The following BABAM2 variants were observed in gnomAD, a reference collection of about 807,000 sequenced individuals.
BABAM2 encodes the protein BRISC and BRCA1-A complex member 2.
BABAM2 carries 31 observed loss-of-function variants against 54.7 expected under a neutral mutation model. The ratio of observed to expected loss-of-function variants is 0.57; its 90% CI spans 0.43 to 0.77. The LOEUF is 0.77. Ranked by LOEUF, BABAM2 falls within the 30% of genes least tolerant of loss-of-function variation. BABAM2 has a pLI of 0.00. For missense variants in BABAM2, 364 were observed against 455.8 expected (o/e 0.80, Z 1.83); for synonymous variants, 167 against 162.9 (o/e 1.03, Z -0.19).
chr2:28,071,813 A>G (rs1265329782), intron 6 of BABAM2, among the ~76,000 whole-genome samples: 1 of 152,186 alleles, frequency 6.6e-6, no homozygotes, highest in Admixed American at 6.5e-5. Context: ...ATGACTTTAA[A>G]TATATTTGGG....
At chr2:28,101,911 A>AG in intron 6 of BABAM2, among the ~76,000 whole-genome samples, 1 of 152,328 alleles carries the variant, frequency 6.6e-6, no homozygotes, top group Admixed American at 6.5e-5. Context: ...TCCCCAGGGC[A>AG]GGGTTCAGGA....
intron 4 of BABAM2, among the ~76,000 whole-genome samples, chr2:27,994,550 T>C (rs1027947882): frequency 1.4e-4 from 21 of 152,234 alleles, no homozygotes; most frequent in African/African-American, 5.1e-4. Context: ...TCTTTGATCT[T>C]CGTACAAATG....
intron 6 of BABAM2, among the ~76,000 whole-genome samples, chr2:28,052,277 T>C (rs1242217043): frequency 6.6e-6 from 1 of 151,124 alleles, no homozygotes; most frequent in South Asian, 2.1e-4. Context: ...TAGAGAAGGT[T>C]TTTTTTTTGC....
chr2:28,238,392 G>C (rs1682110389), intron 8 of BABAM2, among the ~76,000 whole-genome samples: 1 of 152,194 alleles, frequency 6.6e-6, no homozygotes, highest in Admixed American at 6.5e-5. Flanking sequence ...TTAGTTGCCA[G>C]AGTGCAATTT....
chr2:28,295,544 G>A (rs532384900), intron 10 of BABAM2, among the ~76,000 whole-genome samples: 15 of 151,956 alleles, frequency 9.9e-5, no homozygotes, highest in Non-Finnish European at 1.9e-4. Context: ...TGCTCAAGCC[G>A]GAGTCCAGTG....
intron 11 of BABAM2, among the ~76,000 whole-genome samples, chr2:28,314,919 C>T (rs567316489): frequency 9.0e-4 from 135 of 149,842 alleles, no homozygotes; most frequent in African/African-American, 3.1e-3. Context: ...GGAGGTATGC[C>T]GGTGTCCACT....
At chr2:28,312,823 G>C (rs1198033125) in intron 11 of BABAM2, among the ~76,000 whole-genome samples, 3 of 152,166 alleles carry the variant, frequency 2.0e-5, no homozygotes, top group Non-Finnish European at 4.4e-5. Context: ...GACATTCAAT[G>C]AAATAATCGA....
intron 10 of BABAM2, among the ~76,000 whole-genome samples, chr2:28,267,440 C>T (rs368134575): frequency 9.3e-6 from 1 of 107,596 alleles, no homozygotes; most frequent in African/African-American, 4.1e-5. Context: ...CACACACATA[C>T]ACACACACAC....
At chr2:28,090,222 G>T (rs1020777683) in intron 6 of BABAM2, among the ~76,000 whole-genome samples, 1 of 152,120 alleles carries the variant, frequency 6.6e-6, no homozygotes, top group Non-Finnish European at 1.5e-5. Context: ...GTAGTTCCTT[G>T]TAAATCCTTG....
chr2:28,203,858 ATC>A, intron 7 of BABAM2, among the ~76,000 whole-genome samples: 1 of 152,122 alleles, frequency 6.6e-6, no homozygotes, highest in East Asian at 1.9e-4. Context: ...CAGGGTGAAC[ATC>A]CTTAGAGCAC....
At chr2:28,197,156 A>T (rs984045784) in intron 7 of BABAM2, among the ~76,000 whole-genome samples, 2 of 151,968 alleles carry the variant, frequency 1.3e-5, no homozygotes, top group African/African-American at 4.8e-5. Context: ...CCTGGCCAAG[A>T]CCCTGCCTCT....
chr2:27,974,204 AT>A (rs1438973833), intron 3 of BABAM2, among the ~76,000 whole-genome samples: 1 of 152,188 alleles, frequency 6.6e-6, no homozygotes, highest in African/African-American at 2.4e-5. Flanking sequence ...TGAGGCTGAC[AT>A]TTTTCTGATA....
chr2:28,102,911 A>G (rs796765485), intron 6 of BABAM2, among the ~76,000 whole-genome samples: 25 of 152,328 alleles, frequency 1.6e-4, no homozygotes, highest in African/African-American at 5.5e-4. Flanking sequence ...CTATGTTAAA[A>G]TAATGATTTT....
intron 7 of BABAM2, among the ~76,000 whole-genome samples, chr2:28,147,975 T>C (rs1440832240): frequency 6.6e-6 from 1 of 152,142 alleles, no homozygotes; most frequent in African/African-American, 2.4e-5. Context: ...ATATTATCAC[T>C]CCAACTGAAA....
At chr2:28,062,257 CA>C (rs796458704) in intron 6 of BABAM2, among the ~76,000 whole-genome samples, 6,564 of 68,316 alleles carry the variant, frequency 0.096, 237 homozygotes, top group South Asian at 0.19. Flanking sequence ...GAGTCCGTCT[CA>C]AAAAAAAAAA....
At chr2:27,911,621 T>G (rs1488188360) in intron 2 of BABAM2, among the ~76,000 whole-genome samples, 1 of 152,156 alleles carries the variant, frequency 6.6e-6, no homozygotes, top group Non-Finnish European at 1.5e-5. Context: ...AGCATGGACT[T>G]CAAGGTATCA....
intron 8 of BABAM2, among the ~76,000 whole-genome samples, chr2:28,237,606 C>T (rs1488971617): frequency 6.6e-6 from 1 of 152,178 alleles, no homozygotes. Flanking sequence ...TTTGCCAGAT[C>T]TTGCACCTTC....
chr2:28,220,184 G>A lies in BABAM2; in HGVS notation c.681-17018G>A, dbSNP rs184967449. On this transcript the variant is annotated intron_variant, in intron 7 of 11. Coordinates refer to ENST00000379624, the MANE Select transcript of BABAM2 (RefSeq NM_199191.3). ...GGGAGGCAGTGTGTAGCGCAGCAGC[G>A]GAATGTGTGGGTTCAGAAATCGGAT... Among the ~76,000 whole-genome samples the A allele has an allele frequency of 4.3e-4, 65 of 152,268 alleles. 1 individual carries two copies. The highest frequency in any genetic ancestry group is 1.5e-3 in the African/African-American group (64 of 41,550).
At chr2:27,903,164 G>A (rs971059936) in intron 2 of BABAM2, among the ~76,000 whole-genome samples, 6 of 150,642 alleles carry the variant, frequency 4.0e-5, no homozygotes, top group Non-Finnish European at 4.4e-5. Context: ...GCCCATGGAT[G>A]TCAAGTTTAT....
Sources: allele counts gnomAD v4.1 joint callset (sites outside exome capture counted in the v4.1 genomes callset), GRCh38; gene constraint gnomAD v4.1.1; transcripts MANE v1.5; gene names NCBI Gene and HGNC (gene_info 2026-07-23, HGNC 2026-07-21).